AKAP19: variants seen among roughly 807,000 people sequenced by gnomAD.
The protein encoded by AKAP19 is small A-kinase anchoring protein.
At chr2:189,970,007 G>T in the AKAP19 span, among the ~76,000 whole-genome samples, 1 of 151,166 alleles carries the variant, frequency 6.6e-6, no homozygotes, top group South Asian at 2.1e-4. Context: ...CAAGTAGCTA[G>T]GACTACAGGT....
chr2:189,947,165 A>T, the AKAP19 span, among the ~76,000 whole-genome samples: 11 of 152,368 alleles, frequency 7.2e-5, no homozygotes, highest in African/African-American at 2.6e-4. Flanking sequence ...CAAATTTAAC[A>T]GTGCACTATT....
the AKAP19 span, among the ~76,000 whole-genome samples, chr2:189,889,150 G>T: frequency 2.6e-5 from 4 of 152,128 alleles, no homozygotes; most frequent in Non-Finnish European, 4.4e-5. Context: ...ATGAAGGGGT[G>T]TTGTATTTTG....
the AKAP19 span, among the ~76,000 whole-genome samples, chr2:190,039,958 A>G: frequency 6.6e-6 from 1 of 152,078 alleles, no homozygotes; most frequent in Non-Finnish European, 1.5e-5. Context: ...TGTTTTTGCT[A>G]TTGTGAATAC....
the AKAP19 span, among the ~76,000 whole-genome samples, chr2:190,170,334 T>A: frequency 2.0e-5 from 3 of 152,264 alleles, no homozygotes; most frequent in Non-Finnish European, 4.4e-5. Flanking sequence ...CTTACAAGGC[T>A]GAATCCTAGC....
chr2:189,923,971 A>T, the AKAP19 span: 1 of 1,605,510 alleles, frequency 6.2e-7, no homozygotes, highest in Non-Finnish European at 8.5e-7. Context: ...GCAAACAAGC[A>T]GTAGAGATGA....
chr2:189,921,242 A>G, the AKAP19 span, among the ~76,000 whole-genome samples: 28 of 152,180 alleles, frequency 1.8e-4, no homozygotes, highest in African/African-American at 6.0e-4. Context: ...TTAGAGGAAG[A>G]CAAGCAAAGA....
the AKAP19 span, among the ~76,000 whole-genome samples, chr2:189,943,852 G>A: frequency 6.6e-6 from 1 of 152,216 alleles, no homozygotes; most frequent in Non-Finnish European, 1.5e-5. Flanking sequence ...GAACTTCCGT[G>A]GAGCCTGTAG....
At chr2:190,066,808 A>C in the AKAP19 span, among the ~76,000 whole-genome samples, 55 of 152,254 alleles carry the variant, frequency 3.6e-4, no homozygotes, top group East Asian at 4.1e-3. Flanking sequence ...TTCATTTATA[A>C]ATGTATGTAT....
At chr2:190,034,172 T>A in the AKAP19 span, among the ~76,000 whole-genome samples, 2 of 151,980 alleles carry the variant, frequency 1.3e-5, no homozygotes, top group South Asian at 4.1e-4. Flanking sequence ...AAGATGTTTA[T>A]CAAGTCAATT....
chr2:190,147,372 T>C, the AKAP19 span, among the ~76,000 whole-genome samples: 1 of 152,238 alleles, frequency 6.6e-6, no homozygotes, highest in South Asian at 2.1e-4. Context: ...CCTATTTTTA[T>C]ACCAGTACCA....
the AKAP19 span, among the ~76,000 whole-genome samples, chr2:189,914,220 T>G: frequency 6.6e-6 from 1 of 152,116 alleles, no homozygotes; most frequent in African/African-American, 2.4e-5. Context: ...CTTCCCAAGC[T>G]CAAATGCTTT....
chr2:190,108,112 G>T, the AKAP19 span, among the ~76,000 whole-genome samples: 2 of 152,136 alleles, frequency 1.3e-5, no homozygotes, highest in Non-Finnish European at 2.9e-5. Context: ...ATCATTTCTA[G>T]TTATATAAAG....
chr2:189,980,430 CA>C, the AKAP19 span, among the ~76,000 whole-genome samples: 1 of 152,138 alleles, frequency 6.6e-6, no homozygotes, highest in Admixed American at 6.5e-5. Flanking sequence ...CCTTCGCCTC[CA>C]AGGTTCAATT....
chr2:190,012,641 A>G, the AKAP19 span, among the ~76,000 whole-genome samples: 1 of 152,206 alleles, frequency 6.6e-6, no homozygotes, highest in African/African-American at 2.4e-5. Context: ...AACTTTCAGT[A>G]CAATATTGAA....
the AKAP19 span, among the ~76,000 whole-genome samples, chr2:190,063,787 C>A: frequency 6.6e-6 from 1 of 152,078 alleles, no homozygotes; most frequent in African/African-American, 2.4e-5. Flanking sequence ...AGTCTGGGAG[C>A]AGAGAATAGA....
the AKAP19 span, among the ~76,000 whole-genome samples, chr2:190,195,364 A>G: frequency 0.019 from 2,925 of 152,290 alleles, 84 homozygotes; most frequent in African/African-American, 0.065. Flanking sequence ...TGGATCATAC[A>G]GTAAGAATGT....
chr2:190,014,173 T>C, the AKAP19 span, among the ~76,000 whole-genome samples: 9 of 152,352 alleles, frequency 5.9e-5, no homozygotes, highest in Admixed American at 1.3e-4. Context: ...AGTTACTTTT[T>C]TGATCCATTG....
chr2:189,934,210 G>A, the AKAP19 span, among the ~76,000 whole-genome samples: 1 of 152,040 alleles, frequency 6.6e-6, no homozygotes, highest in Non-Finnish European at 1.5e-5. Flanking sequence ...ATAAATAGTA[G>A]TGTGAAGAAG....
At chr2:189,928,503 G>C in the AKAP19 span, among the ~76,000 whole-genome samples, 17 of 152,232 alleles carry the variant, frequency 1.1e-4, no homozygotes, top group African/African-American at 3.8e-4. Flanking sequence ...AACTTCAGTT[G>C]TTTCCTTCAA....
Sources: gnomAD v4.1 joint callset for allele counts (sites outside exome capture counted in the v4.1 genomes callset) on GRCh38, gnomAD v4.1.1 for gene constraint, MANE v1.5 for transcripts, NCBI Gene and HGNC (gene_info 2026-07-23, HGNC 2026-07-21) for gene names.